Variants in GTF3C3 observed in about 807,000 individuals in gnomAD.
The protein encoded by GTF3C3 is general transcription factor 3C polypeptide 3.
Under a neutral mutation model 105.2 loss-of-function variants are expected in GTF3C3, and 75 were observed. The observed-to-expected ratio is 0.71, with a 90% CI of 0.59 to 0.86. GTF3C3 has a LOEUF of 0.86. Among genes scored for constraint, GTF3C3 ranks in the 40% least tolerant of loss-of-function variants. The pLI is 0.00. For synonymous variants in GTF3C3, 335 were observed against 370.4 expected, an observed-to-expected ratio of 0.90 and a Z score of 1.10; for missense variants, 856 against 1,076.5, an observed-to-expected ratio of 0.80 and a Z score of 2.87.
At chr2:196,774,503 C>T (rs1269184411) in intron 13 of GTF3C3, among the ~76,000 whole-genome samples, 1 of 152,074 alleles carries the variant, frequency 6.6e-6, no homozygotes, top group African/African-American at 2.4e-5. Context: ...TGATCCTCAC[C>T]ATGATAAAAT....
Position 196,776,081 on chromosome 2 carries a change from G to T in GTF3C3, c.1624C>A (p.Leu542Met). The change falls in exon 12 of 18, where the codon CTG becomes ATG. Residue 542 changes from leucine to methionine, a missense_variant. Leu to Met is a conservative substitution (Grantham distance 15). Coordinates refer to ENST00000263956, the MANE Select transcript of GTF3C3 (RefSeq NM_012086.5). This position sits in a 1 kb window ranked among gnomAD's most constrained non-coding sequence, Gnocchi z 4.5. ...TACATTTTGCCTTGTGAAAACAACA[G>T]AGTAGAACGATGAAGCAATAACTTC... ...ELKLLLHRST[L>M]LFSQGKMYGY... 1 of 1,591,950 alleles carries T rather than the reference G, an allele frequency of 6.3e-7. No homozygotes were observed. Among genetic ancestry groups the T allele is most frequent in the East Asian group, 2.3e-5 (1 of 44,406 alleles).
At chr2:196,779,131 T>TC in intron 9 of GTF3C3, 64 bp from the exon 10 acceptor site, 1 of 203,222 alleles carries the variant, frequency 4.9e-6, no homozygotes, top group Non-Finnish European at 8.8e-6. Flanking sequence ...TATCTATAGC[T>TC]TTTTTTTTTT....
intron 4 of GTF3C3, among the ~76,000 whole-genome samples, chr2:196,790,692 T>C (rs958548143): frequency 6.6e-6 from 1 of 152,206 alleles, no homozygotes; most frequent in African/African-American, 2.4e-5. Context: ...TCTTAAGCAG[T>C]AGCCTCAAAT....
Position 196,791,479 on chromosome 2 carries a change from A to T in GTF3C3, c.412-19T>A, listed in dbSNP as rs1333297901. 1 of 1,600,166 alleles carries T rather than the reference A, an allele frequency of 6.2e-7. No homozygotes were observed. Among genetic ancestry groups the T allele is most frequent in the Admixed American group, 1.7e-5 (1 of 58,804 alleles). On this transcript the variant is annotated intron_variant, in intron 3 of 17. Coordinates refer to ENST00000263956, the MANE Select transcript of GTF3C3 (RefSeq NM_012086.5). ...TTTTCTCCTGTATGGAAGAAAAATG[A>T]CATTTAGATTAAAATATAGTGAAGT...
rs146094693 is a variant in GTF3C3, at chr2:196,796,691, T to G, written c.214+1106A>C. 1.1e-3 allele frequency among the ~76,000 whole-genome samples: 164 copies of G among 152,234 alleles called. No homozygotes were observed. The East Asian group carries it at 0.019, about 18-fold the overall frequency. On this transcript the variant is annotated intron_variant, in intron 2 of 17. Transcript: ENST00000263956. ...ACACCCCTAATCCAAAAGGCCCCAG[T>G]GTCTGTTGTTTCCTCACCCCCTTTT...
In GTF3C3 at chr2:196,771,889, T is replaced by G; in HGVS notation, c.2119A>C (p.Asn707His). 1.2e-6 allele frequency: 2 copies of G among 1,613,718 alleles called. No homozygotes were observed. The highest frequency in any genetic ancestry group is 1.7e-6 in the Non-Finnish European group (2 of 1,179,560). The change falls in exon 15 of 18, where the codon AAT (asparagine) becomes CAT (histidine). Residue 707 changes from asparagine to histidine, a missense_variant. Physicochemically the swap from Asn to His is moderately conservative, Grantham distance 68. Around this residue, in one of 3 missense-constraint regions of GTF3C3, gnomAD observed 605 missense variants for 833.6 expected, o/e 0.73. Transcript: ENST00000263956. Reference protein sequence around the residue: ...VNKPQLWNIFNQVTMHSQDVR... With the variant: ...VNKPQLWNIFHQVTMHSQDVR... The stretch of plus-strand genomic sequence containing the variant: ...TCTTGGGAGTGCATGGTAACTTGAT[T>G]GAAAATGTTCCAGAGCTGGGGTTTA...
chr2:196,789,298 G>A lies in GTF3C3; in HGVS notation c.799C>T (p.His267Tyr), dbSNP rs1699506798. 6.2e-7 allele frequency: 1 copy of A among 1,613,142 alleles called. No individual in the cohort carries two copies. Among genetic ancestry groups the A allele is most frequent in the African/African-American group, 1.3e-5 (1 of 74,868 alleles). ...CTATAACCATCCATGGCCATTTTATGATCACCCATCTGTTCATAAAGGCTT... is the reference window on the plus strand; with the variant it reads ...CTATAACCATCCATGGCCATTTTATAATCACCCATCTGTTCATAAAGGCTT... Reference protein sequence around the residue: ...RSSLYEQMGDHKMAMDGYRRI... With the variant: ...RSSLYEQMGDYKMAMDGYRRI... Residue 267 changes from histidine to tyrosine, a missense_variant, in exon 6 of 18, where the codon CAT (histidine) becomes TAT (tyrosine). His to Tyr is a moderately conservative substitution (Grantham distance 83). Coordinates refer to ENST00000263956, the MANE Select transcript of GTF3C3 (RefSeq NM_012086.5).
Position 196,764,704 on chromosome 2 carries a change from C to T in GTF3C3, c.2539-19G>A. ...CTATACCCTAGGGAGAAAAAGATACCTTTATGTTTAATATTTCCAACTGTC... is the reference window on the plus strand; with the variant it reads ...CTATACCCTAGGGAGAAAAAGATACTTTTATGTTTAATATTTCCAACTGTC... On this transcript the variant is annotated intron_variant, in intron 17 of 17. Coordinates refer to ENST00000263956, the MANE Select transcript of GTF3C3 (RefSeq NM_012086.5). The T allele has an allele frequency of 6.3e-7, 1 of 1,596,086 alleles. No homozygotes were observed. The highest frequency in any genetic ancestry group is 8.6e-7 in the Non-Finnish European group (1 of 1,168,778).
At chr2:196,781,357 A>ATATATATAT (rs1553578902) in intron 8 of GTF3C3, among the ~76,000 whole-genome samples, 237 of 18,680 alleles carry the variant, frequency 0.013, 3 homozygotes, top group South Asian at 0.016. Context: ...AAAAAAAAAA[A>ATATATATAT]ATATATATAT....
At chr2:196,794,414 A>C (rs939952120) in intron 2 of GTF3C3, among the ~76,000 whole-genome samples, 2 of 152,252 alleles carry the variant, frequency 1.3e-5, no homozygotes, top group Admixed American at 6.5e-5. Flanking sequence ...TTATGTTTAT[A>C]TCTCTCTATA....
intron 8 of GTF3C3, among the ~76,000 whole-genome samples, chr2:196,782,522 A>C (rs527619252): frequency 1.8e-4 from 28 of 152,366 alleles, no homozygotes; most frequent in African/African-American, 6.5e-4. Flanking sequence ...CAAATCACAA[A>C]GTAAAACTCA....
Position 196,789,982 on chromosome 2 carries a change from A to C in GTF3C3, c.624T>G (p.Ile208Met). The C allele has an allele frequency of 6.2e-7, 1 of 1,613,508 alleles. No individual in the cohort carries two copies. The highest frequency in any genetic ancestry group is 1.7e-4 in the Middle Eastern group (1 of 6,060). ...DMEKSLQFEL[I>M]AAHLNPSDTE... ...TGTCACTGGGATTTAAATGCGCAGCAATCAACTCAAACTGCAATGATTTTT... is the reference window on the plus strand; with the variant it reads ...TGTCACTGGGATTTAAATGCGCAGCCATCAACTCAAACTGCAATGATTTTT... Residue 208 changes from isoleucine to methionine, a missense_variant, in exon 5 of 18, where the codon ATT (isoleucine) becomes ATG (methionine). Ile to Met is a conservative substitution (Grantham distance 10, BLOSUM62 1). Coordinates refer to ENST00000263956, the MANE Select transcript of GTF3C3 (RefSeq NM_012086.5).
chr2:196,783,488 T>C (rs977773338), intron 8 of GTF3C3, among the ~76,000 whole-genome samples: 1 of 152,190 alleles, frequency 6.6e-6, no homozygotes, highest in Admixed American at 6.5e-5. Flanking sequence ...AGCCAGGTCC[T>C]AGTAAAGTAT....
chr2:196,766,461 T>A, intron 17 of GTF3C3, 104 bp downstream of exon 17: 1 of 825,786 alleles, frequency 1.2e-6, no homozygotes, highest in East Asian at 2.6e-5. Flanking sequence ...TAAGAGAAAA[T>A]ACATTTTAAT....
At chr2:196,774,334 C>G (rs1349181963) in intron 13 of GTF3C3, among the ~76,000 whole-genome samples, 1 of 152,128 alleles carries the variant, frequency 6.6e-6, no homozygotes, top group Non-Finnish European at 1.5e-5. Flanking sequence ...GAACCACTAT[C>G]CAATGGAATA....
intron 17 of GTF3C3, among the ~76,000 whole-genome samples, chr2:196,765,729 T>A (rs1699051132): frequency 6.6e-6 from 1 of 151,702 alleles, no homozygotes; most frequent in South Asian, 2.1e-4. Context: ...AAAACAATTG[T>A]GCCGGGCGCA....
At position 196,780,664 on chromosome 2, in the gene GTF3C3, T is replaced by C; in HGVS notation, c.1115-2A>G. 6.2e-7 allele frequency: 1 copy of C among 1,608,804 alleles called. No homozygotes were observed. Reference sequence around the variant, plus strand: ...TAGTGCAGGTAACATTCTCAGGAGCTGGAGAATACACAGACAAGAAGCAGT... The same window carrying C: ...TAGTGCAGGTAACATTCTCAGGAGCCGGAGAATACACAGACAAGAAGCAGT... On this transcript the variant is annotated splice_acceptor_variant, in intron 8 of 17. Transcript: ENST00000263956. LOFTEE classifies it high-confidence loss of function.
chr2:196,764,651 T>G lies in GTF3C3; in HGVS notation c.2573A>C (p.Asp858Ala), dbSNP rs1699028453. 2.5e-6 allele frequency: 4 copies of G among 1,612,252 alleles called. No homozygotes were observed. Among genetic ancestry groups the G allele is most frequent in the Non-Finnish European group, 2.5e-6 (3 of 1,178,350 alleles). Residue 858 changes from aspartate (D) to alanine (A), a missense_variant, in exon 18 of 18, where the codon GAT becomes GCT. Coordinates refer to ENST00000263956, the MANE Select transcript of GTF3C3 (RefSeq NM_012086.5). Reference protein sequence around the residue: ...IELDQLDLRRDIAYNLSLIYQ... With the variant: ...IELDQLDLRRAIAYNLSLIYQ... ...GATGAGAGACAAGTTGTAGGCAATA[T>G]CTCTTCGTAAGTCTAACTGGTCAAG...
intron 8 of GTF3C3, 105 bp from the exon 9 acceptor site, chr2:196,780,767 C>A: frequency 1.4e-6 from 2 of 1,384,762 alleles, no homozygotes; most frequent in South Asian, 3.1e-5. Flanking sequence ...ATTCCACAGT[C>A]AATTCTTAGT....
Sources: gnomAD v4.1 joint callset for allele counts (sites outside exome capture counted in the v4.1 genomes callset) on GRCh38, gnomAD v4.1.1 for gene constraint, gnomAD v4.1.1 regional missense constraint, Gnocchi (gnomAD v3.1) non-coding constraint, MANE v1.5 for transcripts, NCBI Gene and HGNC (gene_info 2026-07-23, HGNC 2026-07-21) for gene names.